DENND1B: variants seen among roughly 807,000 people sequenced by gnomAD.
DENND1B encodes the protein DENN domain containing 1B.
Under a neutral mutation model 90.1 loss-of-function variants are expected in DENND1B, and 59 were observed. The ratio of observed to expected loss-of-function variants is 0.65; its 90% CI spans 0.53 to 0.81. The LOEUF (loss-of-function observed/expected upper bound fraction) is 0.81, where lower values mean the gene tolerates loss of function less well. DENND1B is among the 40% of genes least tolerant of loss of function. DENND1B has a pLI of 0.00. For synonymous variants in DENND1B, 337 were observed against 324.6 expected, an observed-to-expected ratio of 1.04 and a Z score of -0.41; for missense variants, 862 against 912.6, an observed-to-expected ratio of 0.94 and a Z score of 0.71.
rs75581554 is a variant in DENND1B, at chr1:197,754,881, T to C, written c.82+17987A>G. On this transcript the variant is annotated intron_variant, in intron 2 of 22. Transcript: ENST00000620048. ...ATTACCCATTATATTCTCTGGGTGA[T>C]AGAATTTTAGTCTCTTCATGTTATT... Among the ~76,000 whole-genome samples, 1,455 of 152,284 alleles carry C rather than the reference T, an allele frequency of 9.6e-3. 12 individuals carry two copies. The highest frequency in any genetic ancestry group is 0.015 in the Non-Finnish European group (1,040 of 68,022).
At chr1:197,542,152 T>A (rs1182263905) in intron 18 of DENND1B, among the ~76,000 whole-genome samples, 1 of 152,154 alleles carries the variant, frequency 6.6e-6, no homozygotes, top group Non-Finnish European at 1.5e-5. Context: ...GGTAATAATT[T>A]AAAATGGAGA....
chr1:197,674,191 A>G (rs755534062), intron 3 of DENND1B, 22 bp from the exon 4 acceptor site: 3 of 1,547,980 alleles, frequency 1.9e-6, no homozygotes, highest in Non-Finnish European at 2.6e-6. Flanking sequence ...AATTTCAAAA[A>G]AAAGAAATAA....
intron 2 of DENND1B, chr1:197,736,142 AC>A: frequency 3.4e-5 from 21 of 620,556 alleles, no homozygotes; most frequent in South Asian, 1.4e-4. Context: ...TAAATATTGG[AC>A]TTAAAAAAAA....
At chr1:197,713,827 A>AT (rs1660274801) in intron 3 of DENND1B, among the ~76,000 whole-genome samples, 1 of 24,820 alleles carries the variant, frequency 4.0e-5, no homozygotes, top group African/African-American at 1.6e-4. Context: ...ATAATATATT[A>AT]TATATAATAT....
intron 2 of DENND1B, among the ~76,000 whole-genome samples, chr1:197,731,067 T>C (rs1408743960): frequency 6.6e-6 from 1 of 152,134 alleles, no homozygotes; most frequent in East Asian, 1.9e-4. Context: ...TACTGGCTAC[T>C]AGAAAGTTTC....
intron 3 of DENND1B, among the ~76,000 whole-genome samples, chr1:197,684,145 A>G (rs1441128835): frequency 6.6e-6 from 1 of 152,202 alleles, no homozygotes; most frequent in Non-Finnish European, 1.5e-5. Context: ...CTTCCTAATA[A>G]AGACAAGATA....
chr1:197,672,132 C>G lies in DENND1B; in HGVS notation c.201G>C (p.Gln67His). The change falls in exon 5 of 23, where the codon CAG becomes CAC. Residue 67 changes from glutamine (Q) to histidine (H), a missense_variant. Coordinates refer to ENST00000620048, the MANE Select transcript of DENND1B (RefSeq NM_001195215.2). ...VERVSQNQVG[Q>H]HFTFVLTDIE... The stretch of plus-strand genomic sequence containing the variant: ...TGTCTGTCAGTACAAAGGTAAAGTG[C>G]TGTCCAACTTGATTCTGAGACACCC... The G allele has an allele frequency of 6.2e-7, 1 of 1,611,374 alleles. No individual in the cohort carries two copies. Among genetic ancestry groups the G allele is most frequent in the Non-Finnish European group, 8.5e-7 (1 of 1,178,574 alleles).
chr1:197,774,056 C>A (rs1656956019), intron 1 of DENND1B, among the ~76,000 whole-genome samples: 1 of 152,146 alleles, frequency 6.6e-6, no homozygotes, highest in African/African-American at 2.4e-5. Flanking sequence ...ATTTTTTTAG[C>A]CTTTCCGCTA....
At chr1:197,699,184 T>C (rs1658764398) in intron 3 of DENND1B, among the ~76,000 whole-genome samples, 1 of 152,078 alleles carries the variant, frequency 6.6e-6, no homozygotes, top group Non-Finnish European at 1.5e-5. Context: ...GCAAATCGAA[T>C]CCAGCAGCAC....
At chr1:197,690,097 T>C (rs970755729) in intron 3 of DENND1B, 2 of 214,918 alleles carry the variant, frequency 9.3e-6, no homozygotes, top group Non-Finnish European at 1.9e-5. Context: ...TGGTCTACTT[T>C]TGCACCAGTT....
chr1:197,681,833 T>C (rs1291991624), intron 3 of DENND1B, among the ~76,000 whole-genome samples: 4 of 152,204 alleles, frequency 2.6e-5, no homozygotes, highest in African/African-American at 7.2e-5. Context: ...TCTGTCATCA[T>C]ATTCATGCAA....
chr1:197,580,577 AT>A lies in DENND1B; in HGVS notation c.1149+2574del, dbSNP rs746140708. The stretch of plus-strand genomic sequence containing the variant: ...GGCACTAACATTTAGGGTCCTTTAA[AT>A]TTCGTTTGAGTTTTGTCAGCCAAAA... On this transcript the variant is annotated intron_variant, in intron 15 of 22. Transcript: ENST00000620048. Among the ~76,000 whole-genome samples, 11 of 152,024 alleles carry A rather than the reference AT, an allele frequency of 7.2e-5. No individual in the cohort carries two copies. The East Asian group carries it at 1.9e-3, about 27-fold the overall frequency.
At chr1:197,752,459 C>T (rs911749344) in intron 2 of DENND1B, among the ~76,000 whole-genome samples, 4 of 151,782 alleles carry the variant, frequency 2.6e-5, no homozygotes, top group Non-Finnish European at 4.4e-5. Context: ...TTCTATCAAA[C>T]GTTTAAAACA....
rs768996796 is a variant in DENND1B at position 197,735,704 on chromosome 1, G to A, written c.83-20630C>T. On this transcript the variant is annotated intron_variant, in intron 2 of 22. Transcript: ENST00000620048. ...CCGGACACGGGAGGCGCTACGCCAGGACCGACAGGAAAGTTTTCCAGTTTC... is the reference window on the plus strand; with the variant it reads ...CCGGACACGGGAGGCGCTACGCCAGAACCGACAGGAAAGTTTTCCAGTTTC... 2.6e-5 allele frequency: 42 copies of A among 1,613,802 alleles called. 1 individual carries two copies. The highest frequency in any genetic ancestry group is 1.1e-4 in the South Asian group (10 of 91,070).
At chr1:197,538,775 T>C (rs562334624) in intron 20 of DENND1B, among the ~76,000 whole-genome samples, 5 of 151,404 alleles carry the variant, frequency 3.3e-5, no homozygotes, top group Non-Finnish European at 7.4e-5. Flanking sequence ...CAAAATCTCA[T>C]GTTGAAATTT....
intron 14 of DENND1B, among the ~76,000 whole-genome samples, chr1:197,584,513 G>A (rs78455335): frequency 0.017 from 2,661 of 152,164 alleles, 75 homozygotes; most frequent in African/African-American, 0.06. Context: ...AAGTTTTCCT[G>A]GATAGCACTG....
At chr1:197,513,539 A>T (rs1368138718) in intron 20 of DENND1B, among the ~76,000 whole-genome samples, 1 of 151,166 alleles carries the variant, frequency 6.6e-6, no homozygotes, top group Non-Finnish European at 1.5e-5. Context: ...TCACACTTTG[A>T]ATCATTAAGT....
chr1:197,648,378 G>T (rs574765949), intron 7 of DENND1B, among the ~76,000 whole-genome samples: 2 of 152,038 alleles, frequency 1.3e-5, no homozygotes, highest in African/African-American at 2.4e-5. Context: ...TAGGTAAAAA[G>T]GGGTAGAAAT....
chr1:197,750,370 T>TA (rs556226689), intron 2 of DENND1B, among the ~76,000 whole-genome samples: 81 of 150,592 alleles, frequency 5.4e-4, no homozygotes, highest in African/African-American at 1.7e-3. Context: ...CATAAAATAC[T>TA]AAAAAAAAGA....
Sources: allele counts gnomAD v4.1 joint callset (sites outside exome capture counted in the v4.1 genomes callset), GRCh38; gene constraint gnomAD v4.1.1; transcripts MANE v1.5; gene names NCBI Gene and HGNC (gene_info 2026-07-23, HGNC 2026-07-21).